Variants in EIF4E observed in about 807,000 individuals in gnomAD.
The protein encoded by EIF4E is eukaryotic translation initiation factor 4E, also known as eIF-4F 25 kDa subunit.
For synonymous variants in EIF4E, 71 were observed against 88.5 expected (o/e 0.80, Z 1.11); for missense variants, 113 against 265.6 (o/e 0.43, Z 3.99).
At chr4:98,892,164 T>C (rs1171765838) in intron 2 of EIF4E, among the ~76,000 whole-genome samples, 2 of 150,776 alleles carry the variant, frequency 1.3e-5, no homozygotes, top group Non-Finnish European at 3.0e-5. Flanking sequence ...CTGATCAACA[T>C]GGAGAAACTC....
At chr4:98,893,859 C>T (rs1270327803) in intron 2 of EIF4E, among the ~76,000 whole-genome samples, 2 of 152,218 alleles carry the variant, frequency 1.3e-5, no homozygotes, top group Non-Finnish European at 2.9e-5. Flanking sequence ...TTGTCCAGAT[C>T]CATCAAAGGA....
intron 2 of EIF4E, among the ~76,000 whole-genome samples, chr4:98,899,396 A>G (rs114366083): frequency 0.011 from 1,749 of 152,326 alleles, 11 homozygotes; most frequent in Non-Finnish European, 0.02. Context: ...ACTGGGACCA[A>G]TCTGATTGGC....
chr4:98,905,849 C>T (rs1403099509), intron 1 of EIF4E, among the ~76,000 whole-genome samples: 1 of 152,164 alleles, frequency 6.6e-6, no homozygotes, highest in East Asian at 1.9e-4. Flanking sequence ...CAAAGAATGT[C>T]AGGTAGCTTT....
rs529875254 is a variant in EIF4E at position 98,879,772 on chromosome 4, T to C, written c.*1256A>G. 2.0e-5 allele frequency: 3 copies of C among 152,256 alleles called. No individual in the cohort carries two copies. The East Asian group carries it at 5.8e-4, about 29-fold the overall frequency. 9.4% of individuals were successfully genotyped at this position (152,256 alleles called of 1,614,324 possible). ...GTGATGCATCAGATCCCAATTCTCA[T>C]GAGTATTAACATATTAAGAGAGTAC... On this transcript the variant is annotated 3_prime_UTR_variant, in exon 7 of 7. Transcript: ENST00000450253.
chr4:98,922,409 A>C (rs1041303537), intron 1 of EIF4E, among the ~76,000 whole-genome samples: 8 of 152,128 alleles, frequency 5.3e-5, no homozygotes, highest in African/African-American at 1.9e-4. Flanking sequence ...TACAAAAATT[A>C]GCCGGGCGTG....
At chr4:98,918,923 A>T (rs1364092710) in intron 1 of EIF4E, among the ~76,000 whole-genome samples, 1 of 152,192 alleles carries the variant, frequency 6.6e-6, no homozygotes, top group Admixed American at 6.5e-5. Flanking sequence ...ATCTGCCTGG[A>T]TAGGGATCAG....
intron 1 of EIF4E, among the ~76,000 whole-genome samples, chr4:98,912,406 C>T (rs1283155291): frequency 2.0e-5 from 3 of 151,016 alleles, no homozygotes; most frequent in Admixed American, 1.3e-4. Context: ...GAAACCCAGC[C>T]GCTACTAAAA....
intron 1 of EIF4E, among the ~76,000 whole-genome samples, chr4:98,920,467 G>GT (rs1428294593): frequency 1.3e-5 from 2 of 151,824 alleles, no homozygotes; most frequent in Non-Finnish European, 2.9e-5. Flanking sequence ...GCTAATTTTT[G>GT]TATTTTTAGT....
chr4:98,912,247 C>A (rs1481617400), intron 1 of EIF4E, among the ~76,000 whole-genome samples: 1 of 143,744 alleles, frequency 7.0e-6, no homozygotes. Context: ...AGCAAAACTC[C>A]GTCTCGAAAA....
intron 1 of EIF4E, among the ~76,000 whole-genome samples, chr4:98,920,963 T>C (rs1468185703): frequency 2.0e-5 from 3 of 152,188 alleles, no homozygotes; most frequent in Non-Finnish European, 4.4e-5. Flanking sequence ...AAGATAGTAA[T>C]AAAGCTTGAC....
chr4:98,882,784 C>T (rs1203373681), intron 6 of EIF4E, among the ~76,000 whole-genome samples: 2 of 144,144 alleles, frequency 1.4e-5, no homozygotes, highest in South Asian at 2.2e-4. Context: ...TTAATATTGA[C>T]AAAAATACAA....
intron 5 of EIF4E, among the ~76,000 whole-genome samples, chr4:98,885,505 T>A (rs1723881361): frequency 1.3e-5 from 2 of 152,176 alleles, no homozygotes; most frequent in South Asian, 4.1e-4. Flanking sequence ...TGGAGTGCAG[T>A]GGGATCATCA....
intron 1 of EIF4E, among the ~76,000 whole-genome samples, chr4:98,906,447 A>G (rs1019134181): frequency 2.0e-5 from 3 of 152,230 alleles, no homozygotes. Flanking sequence ...TGCTGAAACT[A>G]ATCAAATTCA....
chr4:98,928,625 G>T (rs1346565337), intron 1 of EIF4E, among the ~76,000 whole-genome samples: 1 of 152,010 alleles, frequency 6.6e-6, no homozygotes, highest in Non-Finnish European at 1.5e-5. Flanking sequence ...CCCCGCACCC[G>T]AGCCCCGGAG....
chr4:98,883,492 G>A (rs906677158), intron 6 of EIF4E, among the ~76,000 whole-genome samples: 3 of 136,792 alleles, frequency 2.2e-5, no homozygotes, highest in South Asian at 2.3e-4. Flanking sequence ...TCCGCCTCCC[G>A]GGTTCATGCC....
At chr4:98,917,134 A>ACACACAC (rs1491481477) in intron 1 of EIF4E, among the ~76,000 whole-genome samples, 4 of 18,156 alleles carry the variant, frequency 2.2e-4, no homozygotes, top group South Asian at 1.1e-3. Flanking sequence ...ACACACACAC[A>ACACACAC]AAAAAAACCC....
intron 1 of EIF4E, among the ~76,000 whole-genome samples, chr4:98,921,540 T>G (rs1236882177): frequency 1.3e-5 from 2 of 152,144 alleles, no homozygotes; most frequent in Non-Finnish European, 2.9e-5. Context: ...GGCTAATTTT[T>G]GTATTTTTAG....
intron 2 of EIF4E, among the ~76,000 whole-genome samples, chr4:98,901,038 T>C (rs1368082565): frequency 1.3e-5 from 2 of 152,216 alleles, no homozygotes; most frequent in African/African-American, 2.4e-5. Flanking sequence ...TATGGAACCT[T>C]ACTAAAAAAC....
intron 1 of EIF4E, among the ~76,000 whole-genome samples, chr4:98,907,567 C>T (rs1272500906): frequency 1.3e-5 from 2 of 152,188 alleles, no homozygotes; most frequent in Admixed American, 1.3e-4. Context: ...GACTTCACTA[C>T]TACAGTTTTC....
Sources: allele counts gnomAD v4.1 joint callset (sites outside exome capture counted in the v4.1 genomes callset), GRCh38; gene constraint gnomAD v4.1.1; transcripts MANE v1.5; gene names NCBI Gene and HGNC (gene_info 2026-07-23, HGNC 2026-07-21).